The following MAST1 variants were observed in gnomAD, a reference collection of about 807,000 sequenced individuals.
MAST1 encodes the protein microtubule-associated serine/threonine-protein kinase 1.
In MAST1, 40 loss-of-function variants were observed where a neutral mutation model predicts 124.6. That is an observed-to-expected ratio of 0.32 (90% CI 0.25 to 0.42). The LOEUF (loss-of-function observed/expected upper bound fraction) is 0.42, where lower values mean the gene tolerates loss of function less well. MAST1 is among the 10% of genes least tolerant of loss of function. The pLI is 1.00. For missense variants in MAST1, 1,558 were observed against 2,181.9 expected, an observed-to-expected ratio of 0.71 and a Z score of 5.70; for synonymous variants, 938 against 939.4, an observed-to-expected ratio of 1.00 and a Z score of 0.03.
chr19:12,848,266 A>G, intron 7 of MAST1: 1 of 576,186 alleles, frequency 1.7e-6, no homozygotes, highest in Non-Finnish European at 3.1e-6. Context: ...CATTTCCCTT[A>G]GGTCTTTACT....
chr19:12,874,464 T>C lies in MAST1; in HGVS notation c.4307T>C (p.Ile1436Thr), dbSNP rs771297339. 4.4e-6 allele frequency: 7 copies of C among 1,592,352 alleles called. No individual in the cohort carries two copies. Among genetic ancestry groups the C allele is most frequent in the East Asian group, 2.2e-5 (1 of 44,648 alleles). ...GAGGCGGGCACACCCCTGGTACCCA[T>C]TGTCGTAGAGCCTGCGCGGCCCGGG... is the stretch of plus-strand genomic sequence containing the variant. ...SGEAGTPLVP[I>T]VVEPARPGAK... is the part of the protein sequence containing the mutation. Residue 1436 changes from isoleucine (I) to threonine (T), a missense_variant, in exon 26 of 26, where the codon ATT (isoleucine) becomes ACT (threonine). By Grantham distance (89) the Ile-to-Thr change is moderately conservative (BLOSUM62 -1). Coordinates refer to ENST00000251472, the MANE Select transcript of MAST1 (RefSeq NM_014975.3). The surrounding 1 kb of genome is among the most constrained non-coding windows in gnomAD (Gnocchi z 6.6).
chr19:12,873,822 C>T lies in MAST1; in HGVS notation c.3665C>T (p.Pro1222Leu). 2.5e-6 allele frequency: 4 copies of T among 1,593,206 alleles called. No individual in the cohort carries two copies. Among genetic ancestry groups the T allele is most frequent in the Non-Finnish European group, 2.5e-6 (3 of 1,176,744 alleles). Residue 1222 changes from proline (P) to leucine (L), a missense_variant, in exon 26 of 26, where the codon CCG (proline) becomes CTG (leucine). By Grantham distance (98) the Pro-to-Leu change is moderately conservative. Coordinates refer to ENST00000251472, the MANE Select transcript of MAST1 (RefSeq NM_014975.3). ...ACGCAGGCGTCACCGCCGCCACTGC[C>T]GGGCCACACGGTGGGCAGCTCGCAC... ...SPTQASPPPL[P>L]GHTVGSSHTT...
At position 12,841,987 on chromosome 19, in the gene MAST1, A is replaced by T. The variant is rs1969834991; in HGVS notation, c.248+921A>T. On this transcript the variant is annotated intron_variant, in intron 3 of 25. Coordinates refer to ENST00000251472, the MANE Select transcript of MAST1 (RefSeq NM_014975.3). The surrounding 1 kb of genome is among the most constrained non-coding windows in gnomAD (Gnocchi z 4.3). ...GAGGGGACTGCTGGGAGGAAGAAGG[A>T]AGGGAGGAGTCCAATAAATGGGGTG... 6.6e-6 allele frequency among the ~76,000 whole-genome samples: 1 copy of T among 152,146 alleles called. No homozygotes were observed. Among genetic ancestry groups the T allele is most frequent in the African/African-American group, 2.4e-5 (1 of 41,456 alleles).
rs1336723144 is a variant in MAST1 at position 12,868,736 on chromosome 19, C to G, written c.2660C>G (p.Ala887Gly). The change falls in exon 21 of 26, where the codon GCG becomes GGG. Residue 887 changes from alanine to glycine, a missense_variant. Transcript: ENST00000251472. ...RATNDLVLRRARHQQMSGDVA... is the reference protein window; with the variant it reads ...RATNDLVLRRGRHQQMSGDVA... ...ACCAATGACTTGGTTCTGCGCCGGG[C>G]GCGGCACCAGCAGATGTCAGGGGAT... 6.2e-7 allele frequency: 1 copy of G among 1,612,992 alleles called. No homozygotes were observed. Among genetic ancestry groups the G allele is most frequent in the Non-Finnish European group, 8.5e-7 (1 of 1,179,422 alleles).
intron 10 of MAST1, among the ~76,000 whole-genome samples, chr19:12,857,551 A>G (rs2145900217): frequency 6.6e-6 from 1 of 151,926 alleles, no homozygotes; most frequent in South Asian, 2.1e-4. Flanking sequence ...AGCTGGGACT[A>G]CATGTGCCCG....
At position 12,847,845 on chromosome 19, in the gene MAST1, C is replaced by T. The variant is rs1365623773; in HGVS notation, c.565-3C>T. ...CCGCGCCCCTCCTCCGTCCCTCCCG[C>T]AGGCCACTGCGCAGATGGAGGAGAA... On this transcript the variant is annotated splice_polypyrimidine_tract_variant and splice_region_variant and intron_variant, in intron 6 of 25. Transcript: ENST00000251472. This position sits in a 1 kb window ranked among gnomAD's most constrained non-coding sequence, Gnocchi z 5.5. The T allele has an allele frequency of 1.2e-6, 2 of 1,607,544 alleles. No individual in the cohort carries two copies. Among genetic ancestry groups the T allele is most frequent in the Non-Finnish European group, 8.5e-7 (1 of 1,177,240 alleles).
intron 4 of MAST1, among the ~76,000 whole-genome samples, chr19:12,845,036 T>G (rs1969875388): frequency 6.6e-6 from 1 of 152,148 alleles, no homozygotes; most frequent in African/African-American, 2.4e-5. Flanking sequence ...GCGCGGTGGC[T>G]CATGCCTATA....
chr19:12,840,432 T>C lies in MAST1; in HGVS notation c.84-14T>C. ...GCGGCCCGGCCCGGCCCCCCTGCCT[T>C]ACCTTCCCCGCAGCTGCCGCACCAG... On this transcript the variant is annotated splice_polypyrimidine_tract_variant and intron_variant, in intron 1 of 25. Coordinates refer to ENST00000251472, the MANE Select transcript of MAST1 (RefSeq NM_014975.3). The C allele has an allele frequency of 6.2e-7, 1 of 1,601,006 alleles. No homozygotes were observed. Among genetic ancestry groups the C allele is most frequent in the African/African-American group, 1.3e-5 (1 of 74,766 alleles).
intron 4 of MAST1, among the ~76,000 whole-genome samples, chr19:12,844,259 C>T (rs1200199178): frequency 6.6e-6 from 1 of 152,234 alleles, no homozygotes; most frequent in Non-Finnish European, 1.5e-5. Context: ...CCAGAGCCCA[C>T]TTGCTCACCC....
chr19:12,867,506 C>T lies in MAST1; in HGVS notation c.2172C>T (p.His724=). 1 of 1,613,724 alleles carries T rather than the reference C, an allele frequency of 6.2e-7. No homozygotes were observed. The change falls in exon 19 of 26, where the codon CAC becomes CAT. Residue 724 remains histidine, a synonymous_variant. Transcript: ENST00000251472. ...GCAGCATGGAGCAGCTGTCGCAGCACGAGCCCAAGACCCCAGTAGCAGCTG... is the reference window on the plus strand; with the variant it reads ...GCAGCATGGAGCAGCTGTCGCAGCATGAGCCCAAGACCCCAGTAGCAGCTG... ...VYSSMEQLSQ[H]EPKTPVAAAG...
rs777234488 is a variant in MAST1 at position 12,847,593 on chromosome 19, T to A, written c.489-19T>A. Reference sequence around the variant, plus strand: ...CTTGGAGGCAGAGGACTCGACAAAATGGGCTTCTCTCCCCGCAGCCCCGGG... The same window carrying A: ...CTTGGAGGCAGAGGACTCGACAAAAAGGGCTTCTCTCCCCGCAGCCCCGGG... On this transcript the variant is annotated intron_variant, in intron 5 of 25. Transcript: ENST00000251472. This position sits in a 1 kb window ranked among gnomAD's most constrained non-coding sequence, Gnocchi z 5.5. 3 of 1,613,864 alleles carry A rather than the reference T, an allele frequency of 1.9e-6. No individual in the cohort carries two copies. The highest frequency in any genetic ancestry group is 8.5e-7 in the Non-Finnish European group (1 of 1,179,874).
At chr19:12,860,788 A>C (rs1044895397) in intron 12 of MAST1, among the ~76,000 whole-genome samples, 5 of 151,930 alleles carry the variant, frequency 3.3e-5, no homozygotes, top group African/African-American at 1.2e-4. Flanking sequence ...ATTCACCCAA[A>C]TGTTAATCCA....
At position 12,873,631 on chromosome 19, in the gene MAST1, C is replaced by T. The variant is rs1350536736; in HGVS notation, c.3474C>T (p.Ser1158=). The change falls in exon 26 of 26, where the codon TCC becomes TCT. Residue 1158 remains serine (S), a synonymous_variant. Coordinates refer to ENST00000251472, the MANE Select transcript of MAST1 (RefSeq NM_014975.3). ...CAGGCGCCTCATCCCAGAGCAGCTC[C>T]CCAGCCTCGAGCACGCCCAACTCGC... The part of the protein sequence containing the change: ...AYLGASSQSS[S]PASSTPNSPA... 6 of 1,590,812 alleles carry T rather than the reference C, an allele frequency of 3.8e-6. No individual in the cohort carries two copies. The Admixed American group carries it at 8.4e-5, about 22-fold the overall frequency.
At chr19:12,839,901 T>C (rs146611186) in intron 1 of MAST1, among the ~76,000 whole-genome samples, 1 of 152,168 alleles carries the variant, frequency 6.6e-6, no homozygotes, top group East Asian at 1.9e-4. Context: ...GAGCGAGACA[T>C]TGATTTAAAA....
chr19:12,862,851 G>A (rs2145905344), intron 12 of MAST1, among the ~76,000 whole-genome samples: 1 of 151,820 alleles, frequency 6.6e-6, no homozygotes, highest in South Asian at 2.1e-4. Flanking sequence ...ATTTTTAGTA[G>A]AGATGGGGTT....
At position 12,865,520 on chromosome 19, in the gene MAST1, T is replaced by C; in HGVS notation, c.1804+39T>C. The C allele has an allele frequency of 1.9e-6, 3 of 1,540,842 alleles. No homozygotes were observed. Among genetic ancestry groups the C allele is most frequent in the Non-Finnish European group, 2.6e-6 (3 of 1,144,070 alleles). On this transcript the variant is annotated intron_variant, in intron 15 of 25. Coordinates refer to ENST00000251472, the MANE Select transcript of MAST1 (RefSeq NM_014975.3). This position sits in a 1 kb window ranked among gnomAD's most constrained non-coding sequence, Gnocchi z 7.1. The stretch of plus-strand genomic sequence containing the variant: ...CAGTGTACAGGGGCAGAGTGTGGTG[T>C]GCACGGAGAGATGGACAGGCTCAGG...
At chr19:12,858,997 A>G (rs373533838) in intron 12 of MAST1, 36 of 584,180 alleles carry the variant, frequency 6.2e-5, no homozygotes, top group African/African-American at 3.2e-4. Flanking sequence ...CTATCCTTCT[A>G]TCTACTGATG....
chr19:12,873,317 C>G lies in MAST1; in HGVS notation c.3264-7C>G. The G allele has an allele frequency of 6.2e-7, 1 of 1,611,212 alleles. No individual in the cohort carries two copies. The highest frequency in any genetic ancestry group is 1.3e-5 in the African/African-American group (1 of 74,996). ...CAAGGACGCTTGGCCCCCTCCCTGT[C>G]CCGCAGCAAGAAGCGCAGCTCCCTC... is the stretch of plus-strand genomic sequence containing the variant. On this transcript the variant is annotated splice_polypyrimidine_tract_variant and splice_region_variant and intron_variant, in intron 24 of 25. Coordinates refer to ENST00000251472, the MANE Select transcript of MAST1 (RefSeq NM_014975.3).
chr19:12,852,009 C>T lies in MAST1; in HGVS notation c.850C>T (p.Arg284Cys). 1 of 1,614,082 alleles carries T rather than the reference C, an allele frequency of 6.2e-7. No individual in the cohort carries two copies. The highest frequency in any genetic ancestry group is 8.5e-7 in the Non-Finnish European group (1 of 1,180,040). ...LVKKLLIIIS[R>C]PARLLECLEF... is the part of the protein sequence containing the mutation. ...GAAGAAGTTGCTTATTATCATCTCA[C>T]GCCCTGCGAGGCTGCTGGAGTGCCT... Residue 284 changes from arginine (R) to cysteine (C), a missense_variant, in exon 8 of 26, where the codon CGC (arginine) becomes TGC (cysteine). This residue lies in a region of MAST1 where 165 missense variants were observed against 315.3 expected (regional missense o/e 0.52). Coordinates refer to ENST00000251472, the MANE Select transcript of MAST1 (RefSeq NM_014975.3).
Sources: gnomAD v4.1 joint callset for allele counts (sites outside exome capture counted in the v4.1 genomes callset) on GRCh38, gnomAD v4.1.1 for gene constraint, gnomAD v4.1.1 regional missense constraint, Gnocchi (gnomAD v3.1) non-coding constraint, MANE v1.5 for transcripts, NCBI Gene and HGNC (gene_info 2026-07-23, HGNC 2026-07-21) for gene names.